Variants in IKZF2 observed in about 807,000 individuals in gnomAD.
IKZF2 encodes IKAROS family zinc finger 2, also known as zinc finger protein Helios.
In IKZF2, 15 loss-of-function variants were observed where a neutral mutation model predicts 49.2. That is an observed-to-expected ratio of 0.30 (90% CI 0.20 to 0.47). The LOEUF is 0.47. Among genes scored for constraint, IKZF2 ranks in the 20% least tolerant of loss-of-function variants. IKZF2 has a pLI of 1.00. For missense variants in IKZF2, 567 were observed against 664.6 expected (o/e 0.85, Z 1.61); for synonymous variants, 227 against 221.4 (o/e 1.03, Z -0.23).
chr2:213,101,940 A>C (rs536251822), intron 4 of IKZF2, among the ~76,000 whole-genome samples: 1 of 152,254 alleles, frequency 6.6e-6, no homozygotes, highest in East Asian at 1.9e-4. Context: ...ATAACAAATA[A>C]ACCTGCCATT....
chr2:213,121,924 G>A (rs1452788699), intron 4 of IKZF2, among the ~76,000 whole-genome samples: 1 of 152,120 alleles, frequency 6.6e-6, no homozygotes, highest in Non-Finnish European at 1.5e-5. Context: ...TGTGTCAACA[G>A]GCTGAAGGAA....
chr2:213,128,704 T>G (rs2125881471), intron 4 of IKZF2, among the ~76,000 whole-genome samples: 1 of 152,034 alleles, frequency 6.6e-6, no homozygotes, highest in East Asian at 1.9e-4. Flanking sequence ...CTCAGCTCAC[T>G]GCAACCTCCA....
At chr2:213,138,419 A>C (rs1250476591) in intron 4 of IKZF2, among the ~76,000 whole-genome samples, 1 of 152,072 alleles carries the variant, frequency 6.6e-6, no homozygotes, top group East Asian at 1.9e-4. Context: ...ATCCCCAAAC[A>C]GAGAAAATCA....
Position 213,013,940 on chromosome 2 carries a change from C to A in IKZF2, c.713-6G>T, listed in dbSNP as rs1176432888. On this transcript the variant is annotated splice_polypyrimidine_tract_variant and splice_region_variant and intron_variant, in intron 7 of 8. Transcript: ENST00000434687. ...ACAATCTTCCATAGGAGGTACTATA[C>A]AAAACCATAGAAAAATGCAATCTGA... 3 of 1,609,114 alleles carry A rather than the reference C, an allele frequency of 1.9e-6. No homozygotes were observed. In the South Asian group the frequency reaches 3.3e-5, roughly 18 times the overall value.
chr2:213,126,984 A>G (rs2060286512), intron 4 of IKZF2, among the ~76,000 whole-genome samples: 1 of 152,220 alleles, frequency 6.6e-6, no homozygotes. Context: ...GACTGAATTG[A>G]AAGTTACTGC....
intron 7 of IKZF2, among the ~76,000 whole-genome samples, chr2:213,015,671 C>G (rs1043486647): frequency 6.6e-6 from 1 of 151,740 alleles, no homozygotes; most frequent in Non-Finnish European, 1.5e-5. Flanking sequence ...GATTTACAAG[C>G]ACTTACTACA....
chr2:213,089,753 G>A (rs984385637), intron 4 of IKZF2, among the ~76,000 whole-genome samples: 1 of 152,120 alleles, frequency 6.6e-6, no homozygotes, highest in East Asian at 1.9e-4. Context: ...ATTCTGTAAG[G>A]GGGAGAAGGG....
chr2:213,093,845 A>G (rs1302999135), intron 4 of IKZF2, among the ~76,000 whole-genome samples: 2 of 152,230 alleles, frequency 1.3e-5, no homozygotes, highest in East Asian at 1.9e-4. Context: ...GATCAACTAC[A>G]TGACCTTGAA....
At chr2:213,024,306 C>G (rs894840673) in intron 6 of IKZF2, among the ~76,000 whole-genome samples, 1 of 152,168 alleles carries the variant, frequency 6.6e-6, no homozygotes, top group Non-Finnish European at 1.5e-5. Context: ...TGGAGACAAT[C>G]TATCCTTTTA....
intron 4 of IKZF2, among the ~76,000 whole-genome samples, chr2:213,143,199 T>C (rs1359415196): frequency 2.0e-5 from 3 of 151,932 alleles, no homozygotes; most frequent in African/African-American, 7.2e-5. Flanking sequence ...TCATTATGGC[T>C]TACAGGAAGA....
At chr2:213,052,802 C>A (rs1700797348) in intron 5 of IKZF2, among the ~76,000 whole-genome samples, 1 of 151,832 alleles carries the variant, frequency 6.6e-6, no homozygotes. Flanking sequence ...CATTAGCAAC[C>A]CTTTTATTGA....
chr2:213,100,956 T>A (rs1706588898), intron 4 of IKZF2, among the ~76,000 whole-genome samples: 1 of 151,970 alleles, frequency 6.6e-6, no homozygotes, highest in Non-Finnish European at 1.5e-5. Context: ...AGTTTTGGCA[T>A]AATGAAAATT....
At position 213,131,930 on chromosome 2, in the gene IKZF2, C is replaced by A. The variant is rs141921610; in HGVS notation, c.139+15778G>T. Among the ~76,000 whole-genome samples the A allele has an allele frequency of 2.0e-5, 3 of 152,246 alleles. No homozygotes were observed. The East Asian group carries it at 5.8e-4, about 29-fold the overall frequency. The stretch of plus-strand genomic sequence containing the variant: ...TCACAATATATTTTAAAATAAACAG[C>A]AAATCTTCTTAATTGAGAGACTACT... On this transcript the variant is annotated intron_variant, in intron 4 of 8. Transcript: ENST00000434687.
At chr2:213,121,753 C>CA (rs2060065016) in intron 4 of IKZF2, among the ~76,000 whole-genome samples, 1 of 152,154 alleles carries the variant, frequency 6.6e-6, no homozygotes, top group African/African-American at 2.4e-5. Context: ...CATATTTGTA[C>CA]AAAAAACTAA....
chr2:213,016,728 T>C (rs574719489), intron 7 of IKZF2, among the ~76,000 whole-genome samples: 118 of 152,246 alleles, frequency 7.8e-4, no homozygotes, highest in Non-Finnish European at 1.4e-3. Flanking sequence ...TTCCATTAGA[T>C]CACTGTTTCA....
intron 4 of IKZF2, among the ~76,000 whole-genome samples, chr2:213,120,266 T>C (rs1490801388): frequency 1.3e-5 from 2 of 152,214 alleles, no homozygotes; most frequent in Non-Finnish European, 2.9e-5. Context: ...AATACTATAA[T>C]AGATACATGT....
intron 4 of IKZF2, among the ~76,000 whole-genome samples, chr2:213,069,940 T>C (rs1377067708): frequency 3.3e-5 from 5 of 152,148 alleles, no homozygotes; most frequent in East Asian, 1.9e-4. Context: ...ATTAAACCTA[T>C]TGCATGACTA....
At chr2:213,130,884 T>C (rs575799706) in intron 4 of IKZF2, among the ~76,000 whole-genome samples, 23 of 152,172 alleles carry the variant, frequency 1.5e-4, no homozygotes, top group South Asian at 4.1e-4. Context: ...CAATAAAAGA[T>C]TACTTCTTAA....
chr2:213,104,261 C>CAAAAAA (rs75972033), intron 4 of IKZF2, among the ~76,000 whole-genome samples: 3 of 78,168 alleles, frequency 3.8e-5, no homozygotes, highest in Non-Finnish European at 9.2e-5. Context: ...TTCTAACGGA[C>CAAAAAA]AAAAAAAAAA....
Sources: allele counts gnomAD v4.1 joint callset (sites outside exome capture counted in the v4.1 genomes callset), GRCh38; gene constraint gnomAD v4.1.1; transcripts MANE v1.5; gene names NCBI Gene and HGNC (gene_info 2026-07-23, HGNC 2026-07-21).